Variants in SPRY3 observed in about 807,000 individuals in gnomAD.
The protein encoded by SPRY3 is protein sprouty homolog 3.
A neutral mutation model predicts 20.2 loss-of-function variants in SPRY3; 15 were observed. The ratio of observed to expected loss-of-function variants is 0.74; its 90% CI spans 0.50 to 1.14. The LOEUF is 1.14. Ranked by LOEUF, SPRY3 falls within the 50% of genes most tolerant of loss-of-function variation. SPRY3 has a pLI of 0.00. For synonymous variants in SPRY3, 143 were observed against 136.5 expected (o/e 1.05, Z -0.33); for missense variants, 364 against 363.9 (o/e 1.00, Z 0.00).
chrX:155,624,772 T>G (rs1014614290), intron 1 of SPRY3, among the ~76,000 whole-genome samples: 1 of 111,892 alleles, frequency 8.9e-6, no homozygotes, highest in Admixed American at 9.5e-5. Flanking sequence ...AATTTCATAG[T>G]CCAGGATAAT....
chrX:155,764,720 A>C (rs1481088346), intron 2 of SPRY3, among the ~76,000 whole-genome samples: 8 of 152,144 alleles, frequency 5.3e-5, no homozygotes, highest in African/African-American at 2.4e-5. Context: ...GGGCCTCTGG[A>C]GCACAAAGAA....
chrX:155,739,690 G>A (rs2091192966), intron 2 of SPRY3, among the ~76,000 whole-genome samples: 1 of 152,114 alleles, frequency 6.6e-6, no homozygotes, highest in Non-Finnish European at 1.5e-5. Context: ...ACTAGGGTCT[G>A]GAGTGGACCC....
chrX:155,670,808 T>A (rs1206755413), intron 2 of SPRY3, among the ~76,000 whole-genome samples: 4 of 111,863 alleles, frequency 3.6e-5, no homozygotes, highest in Admixed American at 9.5e-5. Context: ...CTTGTCCAAG[T>A]TCACATAAGG....
intron 2 of SPRY3, among the ~76,000 whole-genome samples, chrX:155,766,643 C>G (rs189986683): frequency 7.2e-5 from 11 of 152,048 alleles, no homozygotes; most frequent in African/African-American, 1.9e-4. Context: ...GTCTGGATGC[C>G]CAGAAGAAAG....
intron 2 of SPRY3, among the ~76,000 whole-genome samples, chrX:155,705,513 T>C (rs2090944171): frequency 2.0e-5 from 3 of 151,398 alleles, no homozygotes; most frequent in Admixed American, 1.3e-4. Flanking sequence ...TCCAACCATA[T>C]CAATAATCAC....
chrX:155,622,551 G>C (rs2067874799), intron 1 of SPRY3, among the ~76,000 whole-genome samples: 1 of 111,836 alleles, frequency 8.9e-6, no homozygotes, highest in African/African-American at 3.3e-5. Flanking sequence ...GAGATACCTA[G>C]GGCATGACTT....
intron 2 of SPRY3, among the ~76,000 whole-genome samples, chrX:155,683,303 G>C (rs1164523287): frequency 9.0e-6 from 1 of 111,395 alleles, no homozygotes; most frequent in African/African-American, 3.3e-5. Context: ...TCGGTCGAGT[G>C]GGCAAATGTC....
At chrX:155,747,790 T>G (rs995862627) in intron 2 of SPRY3, among the ~76,000 whole-genome samples, 6 of 151,884 alleles carry the variant, frequency 4.0e-5, no homozygotes, top group African/African-American at 1.4e-4. Flanking sequence ...AAAAACGTTA[T>G]TGAGACACTC....
At chrX:155,632,352 G>T (rs2067909448) in intron 1 of SPRY3, among the ~76,000 whole-genome samples, 1 of 110,788 alleles carries the variant, frequency 9.0e-6, no homozygotes, top group African/African-American at 3.3e-5. Flanking sequence ...GTCGCCTAGT[G>T]CTACATTAAC....
Position 155,774,023 on chromosome X carries a change from CTGAT to C in SPRY3, c.155_158del (p.Asp52GlyfsTer27). ...TCCCTTATTGTGCAAACCCACAAGTCTGATTGGTCTCTGGCTACCATGCCTACTT... is the reference window on the plus strand; with the variant it reads ...TCCCTTATTGTGCAAACCCACAAGTCTGGTCTCTGGCTACCATGCCTACTT... On this transcript the variant is annotated frameshift_variant, in exon 4 of 4. Transcript: ENST00000675360. LOFTEE classifies it high-confidence loss of function. 1 of 1,614,026 alleles carries C rather than the reference CTGAT, an allele frequency of 6.2e-7. No individual in the cohort carries two copies. Among genetic ancestry groups the C allele is most frequent in the Non-Finnish European group, 8.5e-7 (1 of 1,179,878 alleles).
downstream of SPRY3, chrX:155,779,486 G>A (rs1279644488): frequency 1.2e-5 from 2 of 166,802 alleles, no homozygotes; most frequent in Non-Finnish European, 1.5e-5. Context: ...TTTTTATATG[G>A]AAATTAATTC....
chrX:155,676,243 AT>A (rs1474818050), intron 2 of SPRY3, among the ~76,000 whole-genome samples: 1 of 110,343 alleles, frequency 9.1e-6, no homozygotes, highest in Non-Finnish European at 1.9e-5. Context: ...ACTTTCTTCT[AT>A]TTTTTTCATC....
chrX:155,668,901 C>T (rs2068032403), intron 2 of SPRY3, among the ~76,000 whole-genome samples: 1 of 110,598 alleles, frequency 9.0e-6, no homozygotes. Flanking sequence ...TATAAAGGTT[C>T]AAGGGCTCAG....
intron 2 of SPRY3, among the ~76,000 whole-genome samples, chrX:155,742,256 A>G (rs1187375925): frequency 1.3e-5 from 2 of 152,164 alleles, no homozygotes; most frequent in Admixed American, 6.5e-5. Context: ...AGGGCATTAC[A>G]TAATGGTAAA....
downstream of SPRY3, chrX:155,778,541 A>G (rs2091443705): frequency 6.0e-6 from 1 of 166,882 alleles, no homozygotes; most frequent in Non-Finnish European, 1.5e-5. Flanking sequence ...TTTTTTTTGA[A>G]CAAAGTATAA....
rs191768886 is a variant in SPRY3, at chrX:155,753,987, G to T, written c.-281-13975G>T. On this transcript the variant is annotated intron_variant, in intron 2 of 3. Coordinates refer to ENST00000675360, the Ensembl canonical transcript of SPRY3. ...AGATCTTTATCTATTGTGGATACAA[G>T]TTCCTTATCAGATATATGACTGGTA... Among the ~76,000 whole-genome samples, 11 of 151,964 alleles carry T rather than the reference G, an allele frequency of 7.2e-5. No homozygotes were observed. The East Asian group carries it at 2.1e-3, about 29-fold the overall frequency.
downstream of SPRY3, chrX:155,778,879 C>T (rs1421868253): frequency 6.0e-6 from 1 of 166,912 alleles, no homozygotes; most frequent in Non-Finnish European, 1.5e-5. Context: ...GGTATCTTAG[C>T]CTCAGTTTCT....
chrX:155,722,514 C>G, intron 2 of SPRY3, among the ~76,000 whole-genome samples: 1 of 152,102 alleles, frequency 6.6e-6, no homozygotes, highest in East Asian at 1.9e-4. Flanking sequence ...GAATGAGACT[C>G]TATCTCAAAA....
At chrX:155,782,164 G>A (rs1188692741) in exon 2 of SPRY3, 2 of 167,000 alleles carry the variant, frequency 1.2e-5, no homozygotes, top group Non-Finnish European at 1.5e-5. Context: ...CAAGGGGGAG[G>A]GTTGCCCACT....
Sources: gnomAD v4.1 joint callset for allele counts (sites outside exome capture counted in the v4.1 genomes callset) on GRCh38, gnomAD v4.1.1 for gene constraint, MANE v1.5 for transcripts, NCBI Gene and HGNC (gene_info 2026-07-23, HGNC 2026-07-21) for gene names.